KCNAB1: variants seen among roughly 807,000 people sequenced by gnomAD.
KCNAB1 encodes the protein potassium voltage-gated channel subfamily A regulatory beta subunit 1.
A neutral mutation model predicts 64.6 loss-of-function variants in KCNAB1; 35 were observed. That is an observed-to-expected ratio of 0.54 (90% CI 0.41 to 0.72). The LOEUF (loss-of-function observed/expected upper bound fraction) is 0.72, where lower values mean the gene tolerates loss of function less well. KCNAB1 is among the 30% of genes least tolerant of loss of function. KCNAB1 has a pLI of 0.00. For missense variants in KCNAB1, 401 were observed against 512.9 expected, an observed-to-expected ratio of 0.78 and a Z score of 2.11; for synonymous variants, 177 against 183.8, an observed-to-expected ratio of 0.96 and a Z score of 0.30.
intron 1 of KCNAB1, among the ~76,000 whole-genome samples, chr3:156,400,877 AC>A (rs1713841477): frequency 6.6e-6 from 1 of 151,990 alleles, no homozygotes; most frequent in Non-Finnish European, 1.5e-5. Flanking sequence ...CCTACCCCCT[AC>A]TTAGCTCTGT....
intron 1 of KCNAB1, among the ~76,000 whole-genome samples, chr3:156,212,994 ACT>A (rs1560139337): frequency 1.3e-5 from 2 of 152,014 alleles, no homozygotes; most frequent in African/African-American, 4.8e-5. Flanking sequence ...AAATAAAGAC[ACT>A]CTGACCACTA....
At chr3:156,295,035 G>A (rs1720689517) in intron 1 of KCNAB1, among the ~76,000 whole-genome samples, 2 of 152,180 alleles carry the variant, frequency 1.3e-5, no homozygotes, top group Non-Finnish European at 2.9e-5. Context: ...TGGGGCTAAA[G>A]TACAAGTTGA....
At chr3:156,183,860 G>GT (rs1350978699) in intron 1 of KCNAB1, among the ~76,000 whole-genome samples, 1 of 152,164 alleles carries the variant, frequency 6.6e-6, no homozygotes, top group Non-Finnish European at 1.5e-5. Context: ...TAAATGCTCT[G>GT]TAAGTGCTAT....
At chr3:156,366,497 C>T (rs1725955761) in intron 1 of KCNAB1, among the ~76,000 whole-genome samples, 1 of 152,150 alleles carries the variant, frequency 6.6e-6, no homozygotes, top group African/African-American at 2.4e-5. Context: ...GAATTTTGAC[C>T]CCTAAGCTTG....
rs60888308 is a variant in KCNAB1 at position 156,387,014 on chromosome 3, C to CTCTCTTTTTTTT, written c.276-34601_276-34600insCTCTTTTTTTTT. On this transcript the variant is annotated intron_variant, in intron 1 of 13. Coordinates refer to ENST00000490337, the MANE Select transcript of KCNAB1 (RefSeq NM_172160.3). ...TCTTGCTTGCTTGCTTTCTCTCTCT[C>CTCTCTTTTTTTT]TTTTTTTTTTTTTTTTTTTTGCCTG... is the stretch of plus-strand genomic sequence containing the variant. Among the ~76,000 whole-genome samples the CTCTCTTTTTTTT allele has an allele frequency of 3.1e-3, 282 of 90,494 alleles. 3 individuals carry two copies. The highest frequency in any genetic ancestry group is 0.014 in the African/African-American group (261 of 18,354). The allele number at this position is 90,494 out of a possible 152,430, so 59.4% of individuals were successfully genotyped here. A position where few individuals can be genotyped will look rare whatever the true frequency, so the allele number is the denominator to read the frequency against.
At chr3:156,283,352 C>A (rs1719866317) in intron 1 of KCNAB1, among the ~76,000 whole-genome samples, 3 of 151,212 alleles carry the variant, frequency 2.0e-5, no homozygotes, top group Admixed American at 2.0e-4. Context: ...GTCTGATGGG[C>A]TTCCCTTTGA....
Position 156,304,235 on chromosome 3 carries a change from T to C in KCNAB1, c.276-117381T>C, listed in dbSNP as rs570719128. Among the ~76,000 whole-genome samples, 9 of 152,350 alleles carry C rather than the reference T, an allele frequency of 5.9e-5. No individual in the cohort carries two copies. The East Asian group carries it at 1.7e-3, about 29-fold the overall frequency. ...TTTGACAAAAGACAAATGCTAATTA[T>C]CAGAATGTCTGAATAACATTCTTTG... On this transcript the variant is annotated intron_variant, in intron 1 of 13. Transcript: ENST00000490337.
intron 1 of KCNAB1, among the ~76,000 whole-genome samples, chr3:156,367,553 C>A (rs781559972): frequency 6.6e-6 from 1 of 152,138 alleles, no homozygotes; most frequent in African/African-American, 2.4e-5. Flanking sequence ...AGCAATCTCC[C>A]TCTATCCTTC....
At chr3:156,380,870 A>G (rs1288618879) in intron 1 of KCNAB1, among the ~76,000 whole-genome samples, 1 of 152,198 alleles carries the variant, frequency 6.6e-6, no homozygotes, top group Non-Finnish European at 1.5e-5. Flanking sequence ...TCAGCCTCCA[A>G]CTAAACTCAC....
chr3:156,234,065 G>A (rs572927101), intron 1 of KCNAB1, among the ~76,000 whole-genome samples: 38 of 152,158 alleles, frequency 2.5e-4, no homozygotes, highest in African/African-American at 9.2e-4. Context: ...ACATGATTCT[G>A]ACAATCCTGA....
At chr3:156,157,350 AAG>A (rs1715783486) in intron 1 of KCNAB1, among the ~76,000 whole-genome samples, 1 of 152,194 alleles carries the variant, frequency 6.6e-6, no homozygotes, top group South Asian at 2.1e-4. Flanking sequence ...AAAAAATCAT[AAG>A]AAATTGGCCC....
chr3:156,119,312 A>G (rs867807416), upstream of KCNAB1, among the ~76,000 whole-genome samples: 1 of 152,224 alleles, frequency 6.6e-6, no homozygotes, highest in Non-Finnish European at 1.5e-5. Context: ...CGAGGTGACC[A>G]CATTAGTTCA....
At chr3:156,182,646 A>T (rs1577682353) in intron 1 of KCNAB1, among the ~76,000 whole-genome samples, 2 of 133,840 alleles carry the variant, frequency 1.5e-5, no homozygotes, top group Admixed American at 7.4e-5. Context: ...CCCGGGTCTT[A>T]TCTTTTCTAC....
chr3:156,344,457 A>G (rs1332613699), intron 1 of KCNAB1, among the ~76,000 whole-genome samples: 1 of 152,166 alleles, frequency 6.6e-6, no homozygotes, highest in East Asian at 1.9e-4. Flanking sequence ...CATTCTTGCC[A>G]TGTGTGCAAC....
At chr3:156,308,265 T>G (rs145875522) in intron 1 of KCNAB1, among the ~76,000 whole-genome samples, 101 of 152,216 alleles carry the variant, frequency 6.6e-4, no homozygotes, top group African/African-American at 2.4e-3. Flanking sequence ...AGGAGAACAT[T>G]AAGGTTAGAA....
chr3:156,327,870 C>T (rs1031680087), intron 1 of KCNAB1, among the ~76,000 whole-genome samples: 1 of 152,148 alleles, frequency 6.6e-6, no homozygotes, highest in Non-Finnish European at 1.5e-5. Context: ...AAGTTCTTGA[C>T]TCTCTACCAT....
chr3:156,174,971 C>T (rs186614244), intron 1 of KCNAB1, among the ~76,000 whole-genome samples: 1 of 152,260 alleles, frequency 6.6e-6, no homozygotes, highest in East Asian at 1.9e-4. Context: ...GTTTCTCTGG[C>T]TGCCACAATA....
chr3:156,291,009 C>T (rs192195246), intron 1 of KCNAB1: 38 of 985,828 alleles, frequency 3.9e-5, no homozygotes, highest in Non-Finnish European at 2.4e-6. Flanking sequence ...TGTTCCGCGG[C>T]ATAAGCACCC....
chr3:156,494,446 T>C (rs1271517893), intron 8 of KCNAB1, among the ~76,000 whole-genome samples: 1 of 152,142 alleles, frequency 6.6e-6, no homozygotes, highest in Non-Finnish European at 1.5e-5. Flanking sequence ...CTTTCTCACC[T>C]ATTCTGCATG....
Sources: allele counts gnomAD v4.1 joint callset (sites outside exome capture counted in the v4.1 genomes callset), GRCh38; gene constraint gnomAD v4.1.1; transcripts MANE v1.5; gene names NCBI Gene and HGNC (gene_info 2026-07-23, HGNC 2026-07-21).